Variants in DNASE1 observed in about 807,000 individuals in gnomAD.
DNASE1 encodes the protein deoxyribonuclease-1.
DNASE1 carries 40 observed loss-of-function variants against 33.9 expected under a neutral mutation model. The observed-to-expected ratio is 1.18, with a 90% CI of 0.92 to 1.54. DNASE1 has a LOEUF of 1.54. Among genes scored for constraint, DNASE1 ranks in the 40% most tolerant of loss-of-function variants. DNASE1 has a pLI of 0.00. For synonymous variants in DNASE1, 216 were observed against 160.0 expected (o/e 1.35, Z -2.64); for missense variants, 518 against 372.6 (o/e 1.39, Z -3.21).
In DNASE1 at chr16:3,656,190, G is replaced by A. The variant is rs2042601143; in HGVS notation, c.320+5G>A. 6.2e-7 allele frequency: 1 copy of A among 1,613,944 alleles called. No homozygotes were observed. The highest frequency in any genetic ancestry group is 8.5e-7 in the Non-Finnish European group (1 of 1,179,942). ...GCGCTACCTGTTCGTGTACAGGTGG[G>A]TGGTCTAGAAAGCCAGGAAGCCCCT... On this transcript the variant is annotated splice_donor_5th_base_variant and intron_variant, in intron 4 of 8. Transcript: ENST00000246949.
At chr16:3,635,480 A>AG (rs1304494259) in intron 1 of DNASE1, among the ~76,000 whole-genome samples, 2 of 149,534 alleles carry the variant, frequency 1.3e-5, no homozygotes, top group African/African-American at 4.9e-5. Context: ...AAAAAAAAAA[A>AG]GTAAGAAAAG....
At chr16:3,632,865 A>T in intron 1 of DNASE1, among the ~76,000 whole-genome samples, 1 of 152,082 alleles carries the variant, frequency 6.6e-6, no homozygotes. Context: ...GTATTACAGG[A>T]GTGAGCAACT....
downstream of DNASE1, chr16:3,660,328 A>C (rs2151235222): frequency 6.6e-6 from 1 of 152,338 alleles, no homozygotes; most frequent in East Asian, 1.9e-4. Context: ...CAGAACACCA[A>C]ATTTTAAAAC....
At chr16:3,620,925 G>A (rs112984039) in intron 1 of DNASE1, among the ~76,000 whole-genome samples, 4 of 151,598 alleles carry the variant, frequency 2.6e-5, no homozygotes, top group African/African-American at 7.3e-5. Flanking sequence ...CTCAGCCTCC[G>A]GAGTAGCTGG....
chr16:3,657,476 CAGAATAACA>C, intron 7 of DNASE1, 135 bp downstream of exon 7: 2 of 1,333,802 alleles, frequency 1.5e-6, no homozygotes, highest in Non-Finnish European at 2.0e-6. Flanking sequence ...CTACAGGGAA[CAGAATAACA>C]AGAGCCACGA....
At chr16:3,637,214 C>CTGCTGTT (rs1328584906) in intron 1 of DNASE1, among the ~76,000 whole-genome samples, 1 of 152,188 alleles carries the variant, frequency 6.6e-6, no homozygotes, top group Non-Finnish European at 1.5e-5. Flanking sequence ...TAGGCTCTGT[C>CTGCTGTT]TGCTGTTTGC....
At chr16:3,656,912 G>C in intron 5 of DNASE1, 87 bp from the exon 6 acceptor site, 4 of 1,561,108 alleles carry the variant, frequency 2.6e-6, no homozygotes, top group African/African-American at 2.7e-5. Context: ...CCCCCGGGGG[G>C]ACTGTCATGA....
upstream of DNASE1, among the ~76,000 whole-genome samples, chr16:3,640,212 T>G (rs915981888): frequency 1.5e-4 from 23 of 152,228 alleles, no homozygotes; most frequent in Admixed American, 6.5e-4. Context: ...GAGTCTTTCC[T>G]GGGCCTTCTC....
At chr16:3,658,818 C>A, downstream of DNASE1, 1 of 1,613,894 alleles carries the variant, frequency 6.2e-7, no homozygotes, top group Non-Finnish European at 8.5e-7. Flanking sequence ...CTGAGCCAGG[C>A]CAGGCTCGCT....
upstream of DNASE1, among the ~76,000 whole-genome samples, chr16:3,641,702 C>T (rs1051775676): frequency 6.6e-6 from 1 of 152,224 alleles, no homozygotes; most frequent in Non-Finnish European, 1.5e-5. Flanking sequence ...CAGCTCATGG[C>T]TTCCTGAGGG....
upstream of DNASE1, among the ~76,000 whole-genome samples, chr16:3,650,206 A>G (rs2042290657): frequency 6.6e-6 from 1 of 152,194 alleles, no homozygotes; most frequent in African/African-American, 2.4e-5. Flanking sequence ...ATACTTTGAA[A>G]TCATCACCCA....
chr16:3,620,981 G>C (rs1171044085), intron 1 of DNASE1, among the ~76,000 whole-genome samples: 1 of 151,990 alleles, frequency 6.6e-6, no homozygotes, highest in South Asian at 2.1e-4. Context: ...TGTATTTTTA[G>C]TAGAGACGGG....
At chr16:3,625,532 G>T (rs1263740018) in intron 1 of DNASE1, among the ~76,000 whole-genome samples, 1 of 151,060 alleles carries the variant, frequency 6.6e-6, no homozygotes, top group African/African-American at 2.4e-5. Flanking sequence ...AGGCTGAAAT[G>T]GGATCGCTTG....
intron 1 of DNASE1, among the ~76,000 whole-genome samples, chr16:3,643,592 G>A (rs1320434593): frequency 2.0e-5 from 3 of 152,132 alleles, no homozygotes; most frequent in Non-Finnish European, 2.9e-5. Context: ...CAGACCCTCC[G>A]CCCTTCTGTC....
chr16:3,612,594 G>GA (rs1285712319), intron 1 of DNASE1, among the ~76,000 whole-genome samples: 1 of 144,320 alleles, frequency 6.9e-6, no homozygotes, highest in Non-Finnish European at 1.5e-5. Flanking sequence ...GTGGGGGCGG[G>GA]GGGGGGAGTC....
intron 1 of DNASE1, among the ~76,000 whole-genome samples, chr16:3,630,655 T>C (rs2041668420): frequency 6.6e-6 from 1 of 152,180 alleles, no homozygotes; most frequent in African/African-American, 2.4e-5. Flanking sequence ...AGCCCTGCTC[T>C]CTTTTGGTTA....
At chr16:3,640,747 C>A, upstream of DNASE1, 1 of 398,646 alleles carries the variant, frequency 2.5e-6, no homozygotes, top group East Asian at 3.6e-5. Flanking sequence ...AGCAAGATGG[C>A]AAAAGCTTGC....
chr16:3,624,394 T>A (rs2041431970), intron 1 of DNASE1, among the ~76,000 whole-genome samples: 2 of 152,224 alleles, frequency 1.3e-5, no homozygotes, highest in Admixed American at 1.3e-4. Flanking sequence ...TTAAAATTGT[T>A]ATTGGCCAGC....
At chr16:3,662,230 A>T (rs1298907514), downstream of DNASE1, 3 of 1,458,298 alleles carry the variant, frequency 2.1e-6, no homozygotes, top group African/African-American at 2.8e-5. Flanking sequence ...ACCACGAGGT[A>T]GCAGGCGGGG....
Sources: allele counts gnomAD v4.1 joint callset (sites outside exome capture counted in the v4.1 genomes callset), GRCh38; gene constraint gnomAD v4.1.1; transcripts MANE v1.5; gene names NCBI Gene and HGNC (gene_info 2026-07-23, HGNC 2026-07-21).